TTC23L: variants seen among roughly 807,000 people sequenced by gnomAD.
The protein encoded by TTC23L is tetratricopeptide repeat domain 23 like.
A neutral mutation model predicts 48.1 loss-of-function variants in TTC23L; 42 were observed. That is an observed-to-expected ratio of 0.87 (90% CI 0.68 to 1.13). The LOEUF (loss-of-function observed/expected upper bound fraction) is 1.13. Ranked by LOEUF, TTC23L falls within the 50% of genes most tolerant of loss-of-function variation. The pLI, the probability that TTC23L is intolerant of heterozygous loss-of-function variation, is 0.00. For missense variants in TTC23L, 391 were observed against 421.0 expected, an observed-to-expected ratio of 0.93 and a Z score of 0.62; for synonymous variants, 159 against 157.2, an observed-to-expected ratio of 1.01 and a Z score of -0.09.
At chr5:34,903,515 A>C (rs1023047260), downstream of TTC23L, among the ~76,000 whole-genome samples, 4 of 151,352 alleles carry the variant, frequency 2.6e-5, no homozygotes, top group African/African-American at 9.7e-5. Context: ...ATGAGGGTTC[A>C]CTCTTGGTGG....
rs74360234 is a variant in TTC23L at position 34,896,081 on chromosome 5, G to A, written c.1078-689G>A. ...TCTAGGACTAGCTGGAGGCATTGGG[G>A]CAGGTAGAGAAGTGAAAACTCAGAA... On this transcript the variant is annotated intron_variant, in intron 9 of 10. Transcript: ENST00000505624. Among the ~76,000 whole-genome samples the A allele has an allele frequency of 5.8e-3, 881 of 152,306 alleles. 8 individuals carry two copies. Among genetic ancestry groups the A allele is most frequent in the African/African-American group, 0.02 (838 of 41,548 alleles).
exon 9 of TTC23L, chr5:34,880,184 C>T (rs756127077): frequency 6.2e-7 from 1 of 1,605,968 alleles, no homozygotes; most frequent in Non-Finnish European, 8.5e-7. Flanking sequence ...TTTCCAGATG[C>T]TGTTGAGATA....
chr5:34,913,227 G>C, the TTC23L span, among the ~76,000 whole-genome samples: 2 of 151,864 alleles, frequency 1.3e-5, no homozygotes, highest in Non-Finnish European at 2.9e-5. Context: ...TGGCCAGTTC[G>C]AATTTACAAT....
chr5:34,879,833 T>A (rs189075441), intron 8 of TTC23L, among the ~76,000 whole-genome samples: 1 of 152,100 alleles, frequency 6.6e-6, no homozygotes, highest in East Asian at 1.9e-4. Flanking sequence ...CCATCTCTAC[T>A]AAAAATACAA....
chr5:34,892,505 C>T (rs1762934674), intron 9 of TTC23L, among the ~76,000 whole-genome samples: 1 of 152,052 alleles, frequency 6.6e-6, no homozygotes, highest in Non-Finnish European at 1.5e-5. Flanking sequence ...ACTAGAAATA[C>T]TAGTATGTTT....
intron 1 of TTC23L, chr5:34,839,736 C>A: frequency 1.3e-6 from 1 of 797,414 alleles, no homozygotes; most frequent in Non-Finnish European, 1.5e-6. Context: ...TGTTAACATT[C>A]AATAAGTAAC....
intron 3 of TTC23L, 128 bp from the exon 4 acceptor site, chr5:34,850,057 C>A: frequency 9.1e-7 from 1 of 1,097,512 alleles, no homozygotes; most frequent in Non-Finnish European, 1.3e-6. Flanking sequence ...GGATTAGACA[C>A]AGGATGAGAA....
At chr5:34,890,923 G>C (rs1466049835) in intron 9 of TTC23L, among the ~76,000 whole-genome samples, 16 of 152,140 alleles carry the variant, frequency 1.1e-4, no homozygotes. Flanking sequence ...TAAAACTCAG[G>C]CTCCATCACT....
intron 2 of TTC23L, among the ~76,000 whole-genome samples, chr5:34,840,999 T>C (rs541813136): frequency 5.5e-4 from 84 of 152,098 alleles, no homozygotes; most frequent in South Asian, 8.3e-4. Flanking sequence ...TGGGCTGAGA[T>C]TCCATCACTG....
chr5:34,869,501 A>G (rs1362620387), intron 8 of TTC23L: 1 of 164,358 alleles, frequency 6.1e-6, no homozygotes. Flanking sequence ...TTATGCTTCA[A>G]CAATAGTTCT....
chr5:34,916,185 G>GTT, the TTC23L span: 288 of 227,688 alleles, frequency 1.3e-3, no homozygotes, highest in East Asian at 1.8e-3. Context: ...TTGTTCAGTT[G>GTT]TTTTTTTTTT....
chr5:34,877,186 A>T (rs1165021891), intron 8 of TTC23L, among the ~76,000 whole-genome samples: 1 of 152,164 alleles, frequency 6.6e-6, no homozygotes, highest in Non-Finnish European at 1.5e-5. Flanking sequence ...AATGCATCAC[A>T]CCAACAGGCT....
chr5:34,903,193 A>G (rs1194073920), downstream of TTC23L, among the ~76,000 whole-genome samples: 1 of 152,124 alleles, frequency 6.6e-6, no homozygotes, highest in Non-Finnish European at 1.5e-5. Context: ...TAAGGTTGCC[A>G]TTGTCTGAGG....
At chr5:34,847,569 G>A (rs2150354676) in intron 3 of TTC23L, among the ~76,000 whole-genome samples, 1 of 151,936 alleles carries the variant, frequency 6.6e-6, no homozygotes, top group African/African-American at 2.4e-5. Context: ...GAAGTGCTGG[G>A]ATGACATCTG....
intron 4 of TTC23L, among the ~76,000 whole-genome samples, chr5:34,858,322 C>G (rs747429210): frequency 9.9e-5 from 15 of 152,072 alleles, no homozygotes; most frequent in Non-Finnish European, 1.8e-4. Context: ...TGAAAGAGGA[C>G]GTACTTAGAC....
At chr5:34,845,499 C>T (rs367913158) in exon 3 of TTC23L, 123 of 1,612,894 alleles carry the variant, frequency 7.6e-5, no homozygotes, top group Middle Eastern at 1.6e-4. Flanking sequence ...CACAGCAAAC[C>T]GAGATCCCAG....
At chr5:34,884,939 A>G (rs182568684) in intron 9 of TTC23L, among the ~76,000 whole-genome samples, 2 of 152,324 alleles carry the variant, frequency 1.3e-5, no homozygotes, top group African/African-American at 2.4e-5. Flanking sequence ...GTTCAACCCA[A>G]TTATGAAGAA....
chr5:34,907,780 T>TA, the TTC23L span: 1 of 152,180 alleles, frequency 6.6e-6, no homozygotes, highest in East Asian at 1.9e-4. Flanking sequence ...ATAAATCACA[T>TA]AAAGAATTGT....
At chr5:34,872,854 G>A (rs183501580) in intron 8 of TTC23L, among the ~76,000 whole-genome samples, 2 of 152,296 alleles carry the variant, frequency 1.3e-5, no homozygotes, top group East Asian at 3.9e-4. Context: ...CCTGAGGTCA[G>A]GAGTTTGAGA....
Sources: allele counts gnomAD v4.1 joint callset (sites outside exome capture counted in the v4.1 genomes callset), GRCh38; gene constraint gnomAD v4.1.1; transcripts MANE v1.5; gene names NCBI Gene and HGNC (gene_info 2026-07-23, HGNC 2026-07-21).